BCAT1: variants seen among roughly 807,000 people sequenced by gnomAD.
BCAT1 encodes the protein branched-chain-amino-acid aminotransferase, cytosolic.
BCAT1 carries 48 observed loss-of-function variants against 52.4 expected under a neutral mutation model. The observed-to-expected ratio is 0.92, with a 90% CI of 0.73 to 1.16. BCAT1 has a LOEUF of 1.16. BCAT1 is among the 50% of genes most tolerant of loss of function. BCAT1 has a pLI of 0.00. For missense variants in BCAT1, 451 were observed against 457.1 expected, an observed-to-expected ratio of 0.99 and a Z score of 0.12; for synonymous variants, 167 against 161.3, an observed-to-expected ratio of 1.04 and a Z score of -0.27.
intron 1 of BCAT1, among the ~76,000 whole-genome samples, chr12:24,943,803 T>C (rs1036227446): frequency 1.3e-5 from 2 of 151,288 alleles, no homozygotes; most frequent in Non-Finnish European, 2.9e-5. Context: ...GCTAACATGG[T>C]GAAACCCCGT....
chr12:24,849,226 G>A (rs138143636), intron 6 of BCAT1, among the ~76,000 whole-genome samples: 20 of 152,388 alleles, frequency 1.3e-4, no homozygotes, highest in African/African-American at 4.8e-4. Flanking sequence ...TTTCCTGCCA[G>A]CTACATATGG....
chr12:24,873,569 C>G (rs1276822196), intron 5 of BCAT1, among the ~76,000 whole-genome samples: 1 of 152,106 alleles, frequency 6.6e-6, no homozygotes, highest in Non-Finnish European at 1.5e-5. Context: ...ATACCTTATC[C>G]AAAAAGCTTC....
intron 1 of BCAT1, among the ~76,000 whole-genome samples, chr12:24,918,553 C>T (rs1943453212): frequency 6.6e-6 from 1 of 151,930 alleles, no homozygotes; most frequent in South Asian, 2.1e-4. Context: ...TTCCAGGGGT[C>T]CTATTTATTA....
At chr12:24,926,621 T>A (rs1370298399) in intron 1 of BCAT1, among the ~76,000 whole-genome samples, 1 of 152,282 alleles carries the variant, frequency 6.6e-6, no homozygotes, top group East Asian at 1.9e-4. Context: ...TAAGAAAAAT[T>A]CTTCTGCCTT....
At chr12:24,830,536 T>C (rs1266166298) in intron 9 of BCAT1, 1 of 152,202 alleles carries the variant, frequency 6.6e-6, no homozygotes. Context: ...GGCTTGCAGG[T>C]TTTGATAGTT....
chr12:24,866,848 G>T (rs1204992194), intron 5 of BCAT1, among the ~76,000 whole-genome samples: 1 of 152,082 alleles, frequency 6.6e-6, no homozygotes, highest in African/African-American at 2.4e-5. Flanking sequence ...GGATGTGGGT[G>T]GGGCCAGATA....
chr12:24,828,298 G>T (rs1489617720), intron 10 of BCAT1, among the ~76,000 whole-genome samples: 1 of 152,144 alleles, frequency 6.6e-6, no homozygotes, highest in Non-Finnish European at 1.5e-5. Context: ...CAAATTACAG[G>T]ATAATCTCTT....
intron 1 of BCAT1, among the ~76,000 whole-genome samples, chr12:24,942,816 C>T (rs1358843771): frequency 6.6e-6 from 1 of 152,202 alleles, no homozygotes; most frequent in African/African-American, 2.4e-5. Context: ...AATTAGGGTG[C>T]ATATGGTATG....
At chr12:24,883,257 G>A (rs1015080141) in intron 3 of BCAT1, among the ~76,000 whole-genome samples, 5 of 152,300 alleles carry the variant, frequency 3.3e-5, no homozygotes, top group Middle Eastern at 3.4e-3. Context: ...CTGCACTCCA[G>A]CCTGGTGACA....
At chr12:24,860,588 T>C (rs1484748287) in intron 5 of BCAT1, among the ~76,000 whole-genome samples, 1 of 152,212 alleles carries the variant, frequency 6.6e-6, no homozygotes, top group Non-Finnish European at 1.5e-5. Context: ...CAGGACACAA[T>C]TAGAGACACT....
intron 1 of BCAT1, among the ~76,000 whole-genome samples, chr12:24,916,303 C>T (rs551678173): frequency 4.6e-5 from 7 of 152,300 alleles, no homozygotes; most frequent in African/African-American, 1.7e-4. Flanking sequence ...CAGAAAGTGA[C>T]ATTCTTTACT....
chr12:24,816,297 G>GA lies in BCAT1; in HGVS notation c.*1710dup, dbSNP rs1391856880. 4.4e-5 allele frequency: 17 copies of GA among 387,980 alleles called. No individual in the cohort carries two copies. The highest frequency in any genetic ancestry group is 7.7e-5 in the Non-Finnish European group (17 of 220,010). 24.0% of individuals were successfully genotyped at this position (387,980 alleles called of 1,614,324 possible). Reference sequence around the variant, plus strand: ...AGAATCCTTTTTATTTTCCTTCTCTGAAAAGAGAATAAAATATGTTCAGCA... The same window carrying GA: ...AGAATCCTTTTTATTTTCCTTCTCTGAAAAAGAGAATAAAATATGTTCAGCA... On this transcript the variant is annotated 3_prime_UTR_variant, in exon 11 of 11. Transcript: ENST00000261192.
chr12:24,928,284 T>C (rs74388385), intron 1 of BCAT1, among the ~76,000 whole-genome samples: 2,957 of 152,244 alleles, frequency 0.019, 112 homozygotes, highest in African/African-American at 0.067. Context: ...ATCTTTGTTA[T>C]GGATTAATGG....
intron 7 of BCAT1, among the ~76,000 whole-genome samples, chr12:24,841,189 C>T (rs1431788427): frequency 6.6e-6 from 1 of 152,140 alleles, no homozygotes; most frequent in Non-Finnish European, 1.5e-5. Context: ...TAGTTACAAT[C>T]CCAAGATACA....
intron 10 of BCAT1, among the ~76,000 whole-genome samples, chr12:24,826,945 GT>G (rs1395941757): frequency 6.6e-6 from 1 of 152,070 alleles, no homozygotes; most frequent in Non-Finnish European, 1.5e-5. Context: ...ATTGTTCACT[GT>G]TAGCATATAT....
intron 7 of BCAT1, among the ~76,000 whole-genome samples, chr12:24,838,346 C>T (rs1941068837): frequency 6.6e-6 from 1 of 152,114 alleles, no homozygotes; most frequent in South Asian, 2.1e-4. Context: ...AAATCATCTG[C>T]TGAAAATTGC....
chr12:24,847,188 T>C (rs1720661833), intron 6 of BCAT1, among the ~76,000 whole-genome samples: 1 of 152,204 alleles, frequency 6.6e-6, no homozygotes, highest in Non-Finnish European at 1.5e-5. Context: ...ATTAGGTTGG[T>C]TTGTTTTTAA....
intron 5 of BCAT1, among the ~76,000 whole-genome samples, chr12:24,871,821 G>A (rs992029373): frequency 5.3e-5 from 8 of 152,116 alleles, no homozygotes; most frequent in Admixed American, 4.6e-4. Context: ...GATTATAACA[G>A]GCTAAAATCA....
chr12:24,904,619 G>C (rs1381344165), intron 1 of BCAT1: 1 of 152,150 alleles, frequency 6.6e-6, no homozygotes, highest in African/African-American at 2.4e-5. Flanking sequence ...TTTGCTTCTC[G>C]TGCATTTTCA....
Sources: gnomAD v4.1 joint callset for allele counts (sites outside exome capture counted in the v4.1 genomes callset) on GRCh38, gnomAD v4.1.1 for gene constraint, MANE v1.5 for transcripts, NCBI Gene and HGNC (gene_info 2026-07-23, HGNC 2026-07-21) for gene names.